Variants in AGBL4 observed in about 807,000 individuals in gnomAD.
AGBL4 encodes the protein cytosolic carboxypeptidase 6.
Under a neutral mutation model 66.4 loss-of-function variants are expected in AGBL4, and 58 were observed. The observed-to-expected ratio is 0.87, with a 90% CI of 0.71 to 1.09. AGBL4 has a LOEUF of 1.09. Ranked by LOEUF, AGBL4 falls within the 50% of genes least tolerant of loss-of-function variation. The pLI is 0.00. For missense variants in AGBL4, 579 were observed against 631.0 expected, an observed-to-expected ratio of 0.92 and a Z score of 0.88; for synonymous variants, 234 against 222.9, an observed-to-expected ratio of 1.05 and a Z score of -0.44.
chr1:49,306,844 T>C (rs1015587783), intron 3 of AGBL4, among the ~76,000 whole-genome samples: 21 of 152,194 alleles, frequency 1.4e-4, no homozygotes, highest in African/African-American at 4.8e-4. Flanking sequence ...GTCTCTGGTG[T>C]CATGAAGACT....
intron 11 of AGBL4, among the ~76,000 whole-genome samples, chr1:48,549,249 A>T (rs964266107): frequency 1.3e-5 from 2 of 152,256 alleles, no homozygotes; most frequent in Non-Finnish European, 2.9e-5. Context: ...GCCTCTAGGT[A>T]AAGCTAGAAG....
intron 1 of AGBL4, among the ~76,000 whole-genome samples, chr1:49,916,641 C>A (rs537948932): frequency 1.7e-4 from 26 of 152,264 alleles, no homozygotes; most frequent in Non-Finnish European, 2.6e-4. Flanking sequence ...GAGAATGGAA[C>A]CAAGTTGGAA....
rs1330095576 is a variant in AGBL4, at chr1:50,023,826, GCGA to G, written c.-33_-31del. On this transcript the variant is annotated 5_prime_UTR_variant, in exon 1 of 14. Coordinates refer to ENST00000371839, the MANE Select transcript of AGBL4 (RefSeq NM_032785.4). Reference sequence around the variant, plus strand: ...GTTGTCCCTCAGTCTCCGAGCTCACGCGAAGACCGCGGGGCAGTAGGGAGCGGG... The same window carrying G: ...GTTGTCCCTCAGTCTCCGAGCTCACGAGACCGCGGGGCAGTAGGGAGCGGG... 1.3e-6 allele frequency: 2 copies of G among 1,546,732 alleles called. No homozygotes were observed. The highest frequency in any genetic ancestry group is 2.5e-5 in the East Asian group (1 of 40,036).
intron 3 of AGBL4, among the ~76,000 whole-genome samples, chr1:49,432,515 T>C (rs546716298): frequency 3.6e-4 from 55 of 152,174 alleles, no homozygotes; most frequent in Non-Finnish European, 7.2e-4. Context: ...CTACAATACA[T>C]ATTCCTTCAT....
chr1:49,647,138 AC>A (rs1355616768), intron 3 of AGBL4, among the ~76,000 whole-genome samples: 1 of 152,036 alleles, frequency 6.6e-6, no homozygotes, highest in African/African-American at 2.4e-5. Context: ...AGCTATGGTA[AC>A]AAAAATCATC....
Position 49,539,211 on chromosome 1 carries a change from T to C in AGBL4, c.282+158102A>G, listed in dbSNP as rs370487510. 1.2e-3 allele frequency among the ~76,000 whole-genome samples: 187 copies of C among 152,318 alleles called. 2 individuals are homozygous for C. The South Asian group carries it at 0.015, about 12-fold the overall frequency. Reference sequence around the variant, plus strand: ...TGTCAGTTTTGTAAACAATTATTCATATCTAATTCTGGAATGATATTTATT... The same window carrying C: ...TGTCAGTTTTGTAAACAATTATTCACATCTAATTCTGGAATGATATTTATT... On this transcript the variant is annotated intron_variant, in intron 3 of 13. Coordinates refer to ENST00000371839, the MANE Select transcript of AGBL4 (RefSeq NM_032785.4).
chr1:48,886,893 C>T (rs549110183), intron 5 of AGBL4, among the ~76,000 whole-genome samples: 2 of 152,268 alleles, frequency 1.3e-5, no homozygotes, highest in South Asian at 4.1e-4. Flanking sequence ...ATATTAGCTT[C>T]CAGTCTCATT....
intron 3 of AGBL4, among the ~76,000 whole-genome samples, chr1:49,413,973 C>T (rs2148631073): frequency 6.6e-6 from 1 of 151,882 alleles, no homozygotes. Context: ...CCTCAAAATA[C>T]AAATAAAACA....
intron 1 of AGBL4, among the ~76,000 whole-genome samples, chr1:49,937,829 A>C (rs1268147790): frequency 2.6e-5 from 4 of 152,214 alleles, no homozygotes; most frequent in African/African-American, 4.8e-5. Flanking sequence ...TGTCTGGGAC[A>C]CATTCAAAGC....
At chr1:49,423,809 CAAAA>C (rs5774048) in intron 3 of AGBL4, among the ~76,000 whole-genome samples, 59 of 84,322 alleles carry the variant, frequency 7.0e-4, no homozygotes, top group Non-Finnish European at 4.0e-4. Context: ...AAGACTCGGC[CAAAA>C]AAAAAAAAAA....
chr1:49,357,383 A>G (rs1425452653), intron 3 of AGBL4, among the ~76,000 whole-genome samples: 1 of 152,200 alleles, frequency 6.6e-6, no homozygotes, highest in Non-Finnish European at 1.5e-5. Flanking sequence ...ATCCAGACCC[A>G]GGCTCTATAC....
Position 48,951,273 on chromosome 1 carries a change from A to C in AGBL4, c.595-84043T>G, listed in dbSNP as rs189825128. 1.2e-3 allele frequency among the ~76,000 whole-genome samples: 182 copies of C among 152,304 alleles called. 1 individual carries two copies. The highest frequency in any genetic ancestry group is 4.1e-4 in the Non-Finnish European group (28 of 68,036). ...TTATGTCTCAGTGTCTGGAAAGAAT[A>C]TCTTCTCTGGCGAGATTCTTAAGGT... On this transcript the variant is annotated intron_variant, in intron 5 of 13. Coordinates refer to ENST00000371839, the MANE Select transcript of AGBL4 (RefSeq NM_032785.4).
At chr1:49,239,315 C>T (rs1196341280) in intron 4 of AGBL4, among the ~76,000 whole-genome samples, 2 of 151,984 alleles carry the variant, frequency 1.3e-5, no homozygotes, top group African/African-American at 4.8e-5. Context: ...ACATGTATAA[C>T]AGGAGTTTAT....
chr1:49,604,101 A>G (rs1645019922), intron 3 of AGBL4, among the ~76,000 whole-genome samples: 1 of 152,080 alleles, frequency 6.6e-6, no homozygotes, highest in Non-Finnish European at 1.5e-5. Context: ...CCAGTAGTGG[A>G]ATTTCTGGAT....
At chr1:48,797,901 C>T (rs1570697501) in intron 6 of AGBL4, among the ~76,000 whole-genome samples, 1 of 152,252 alleles carries the variant, frequency 6.6e-6, no homozygotes, top group Middle Eastern at 3.4e-3. Flanking sequence ...TAGGCTGGTT[C>T]CATATTTTTG....
intron 5 of AGBL4, among the ~76,000 whole-genome samples, chr1:49,004,612 AG>A (rs1189666177): frequency 6.6e-6 from 1 of 152,198 alleles, no homozygotes; most frequent in Admixed American, 6.5e-5. Flanking sequence ...TTCACAATCT[AG>A]CAGGGAGAAA....
At chr1:49,423,558 C>A (rs1027340998) in intron 3 of AGBL4, among the ~76,000 whole-genome samples, 1 of 151,998 alleles carries the variant, frequency 6.6e-6, no homozygotes, top group Non-Finnish European at 1.5e-5. Context: ...ACCTGTAATC[C>A]CAGCACTTTG....
At chr1:49,666,237 A>G (rs1383690164) in intron 3 of AGBL4, among the ~76,000 whole-genome samples, 1 of 152,126 alleles carries the variant, frequency 6.6e-6, no homozygotes, top group African/African-American at 2.4e-5. Flanking sequence ...ACAAATGTTC[A>G]TTGAATTAAT....
chr1:48,656,433 T>C lies in AGBL4; in HGVS notation c.725-2982A>G, dbSNP rs117566476. Among the ~76,000 whole-genome samples, 69 of 152,336 alleles carry C rather than the reference T, an allele frequency of 4.5e-4. 1 individual carries two copies. In the East Asian group the frequency reaches 0.013, roughly 29 times the overall value. On this transcript the variant is annotated intron_variant, in intron 7 of 13. Transcript: ENST00000371839. ...TACAAACATTCATTGGCACACCAAA[T>C]TCTGGGCATTTCAAAATGCCTAAGA...
Sources: gnomAD v4.1 joint callset for allele counts (sites outside exome capture counted in the v4.1 genomes callset) on GRCh38, gnomAD v4.1.1 for gene constraint, MANE v1.5 for transcripts, NCBI Gene and HGNC (gene_info 2026-07-23, HGNC 2026-07-21) for gene names.